The following SMYD5 variants were observed in gnomAD, a reference collection of about 807,000 sequenced individuals.
SMYD5 encodes SMYD family member 5.
In SMYD5, 35 loss-of-function variants were observed where a neutral mutation model predicts 57.4. The ratio of observed to expected loss-of-function variants is 0.61; its 90% CI spans 0.47 to 0.81. The LOEUF is 0.81. Among genes scored for constraint, SMYD5 ranks in the 30% least tolerant of loss-of-function variants. The pLI is 0.00. For synonymous variants in SMYD5, 198 were observed against 189.7 expected (o/e 1.04, Z -0.36); for missense variants, 471 against 527.9 (o/e 0.89, Z 1.06).
At chr2:73,222,189 G>T (rs762559124) in intron 6 of SMYD5, among the ~76,000 whole-genome samples, 2 of 152,228 alleles carry the variant, frequency 1.3e-5, no homozygotes, top group African/African-American at 4.8e-5. Context: ...TCCCTAACTG[G>T]TGTTAGAAGG....
chr2:73,218,722 A>G, intron 1 of SMYD5, 139 bp from the exon 2 acceptor site: 1 of 636,642 alleles, frequency 1.6e-6, no homozygotes, highest in Non-Finnish European at 2.8e-6. Flanking sequence ...GGTGCTAACC[A>G]CTCTCCATGA....
chr2:73,214,701 C>T (rs1211274895), intron 1 of SMYD5: 2 of 1,385,294 alleles, frequency 1.4e-6, no homozygotes, highest in African/African-American at 1.5e-5. Context: ...GCAGAGAGAA[C>T]TGAGGTGTAA....
intron 8 of SMYD5, 125 bp downstream of exon 8, chr2:73,223,231 C>A: frequency 1.1e-6 from 1 of 900,974 alleles, no homozygotes; most frequent in Non-Finnish European, 1.9e-6. Context: ...GAACTGGACA[C>A]AGTGGTGGGA....
chr2:73,221,513 G>A (rs1451225322), intron 5 of SMYD5, among the ~76,000 whole-genome samples: 2 of 150,650 alleles, frequency 1.3e-5, no homozygotes, highest in Non-Finnish European at 2.9e-5. Flanking sequence ...GCCTTGTGCA[G>A]TAGCAATTCA....
chr2:73,223,162 G>T (rs923881402), intron 8 of SMYD5, 56 bp downstream of exon 8: 6 of 1,415,808 alleles, frequency 4.2e-6, no homozygotes, highest in African/African-American at 1.4e-5. Context: ...ACTGAGGAAG[G>T]TAGCCACAGT....
chr2:73,218,855 T>G lies in SMYD5; in HGVS notation c.97-6T>G, dbSNP rs1007415837. On this transcript the variant is annotated splice_region_variant and splice_polypyrimidine_tract_variant and intron_variant, in intron 1 of 12. Coordinates refer to ENST00000389501, the MANE Select transcript of SMYD5 (RefSeq NM_006062.3). Reference sequence around the variant, plus strand: ...TTATGGCCATCCTATCCCTCTGCCCTCTCAGGGAAAGGGGCTGTTTGCCAC... The same window carrying G: ...TTATGGCCATCCTATCCCTCTGCCCGCTCAGGGAAAGGGGCTGTTTGCCAC... The G allele has an allele frequency of 6.2e-7, 1 of 1,608,804 alleles. No individual in the cohort carries two copies. The highest frequency in any genetic ancestry group is 1.3e-5 in the African/African-American group (1 of 74,818).
chr2:73,219,392 G>A (rs962856805), intron 2 of SMYD5, among the ~76,000 whole-genome samples: 1 of 151,978 alleles, frequency 6.6e-6, no homozygotes, highest in African/African-American at 2.4e-5. Context: ...TTGGGGTCTG[G>A]GGGAGGGGGA....
At chr2:73,222,700 G>T in intron 6 of SMYD5, 55 bp from the exon 7 acceptor site, 1 of 1,506,930 alleles carries the variant, frequency 6.6e-7, no homozygotes, top group Non-Finnish European at 9.1e-7. Context: ...CCCTGCCTGG[G>T]TGCTAATGGG....
intron 5 of SMYD5, 60 bp downstream of exon 5, chr2:73,221,294 A>G: frequency 7.3e-7 from 1 of 1,373,974 alleles, no homozygotes; most frequent in South Asian, 1.2e-5. Flanking sequence ...CCTTGGTCTC[A>G]GTCTTTTCCT....
chr2:73,220,042 C>T lies in SMYD5; in HGVS notation c.206-9C>T, dbSNP rs770882395. 1 of 1,614,184 alleles carries T rather than the reference C, an allele frequency of 6.2e-7. No individual in the cohort carries two copies. On this transcript the variant is annotated splice_polypyrimidine_tract_variant and intron_variant, in intron 2 of 12. Coordinates refer to ENST00000389501, the MANE Select transcript of SMYD5 (RefSeq NM_006062.3). ...TCAAGATATTGTTGTGTCTGGCTCT[C>T]ACCGTCAGCCTGTGACCACTGCCTT...
Position 73,220,654 on chromosome 2 carries a change from C to T in SMYD5, c.346-7C>T. ...CCTTGGGTACTGACCTCTATCCCAC[C>T]TAACAGGTGATGTACTGCAGTGCAG... On this transcript the variant is annotated splice_polypyrimidine_tract_variant and splice_region_variant and intron_variant, in intron 3 of 12. Coordinates refer to ENST00000389501, the MANE Select transcript of SMYD5 (RefSeq NM_006062.3). 1 of 1,613,954 alleles carries T rather than the reference C, an allele frequency of 6.2e-7. No homozygotes were observed. The highest frequency in any genetic ancestry group is 8.5e-7 in the Non-Finnish European group (1 of 1,179,988).
intron 1 of SMYD5, among the ~76,000 whole-genome samples, chr2:73,216,173 GC>G (rs1316253471): frequency 6.6e-6 from 1 of 152,206 alleles, no homozygotes. Context: ...TCCAGTGGAA[GC>G]CAGCTGGATT....
chr2:73,225,223 T>C, intron 11 of SMYD5: 3 of 493,076 alleles, frequency 6.1e-6, no homozygotes, highest in African/African-American at 1.9e-5. Context: ...TATCTTTTGG[T>C]CAAATGCAGA....
At chr2:73,224,827 T>C in intron 10 of SMYD5, 39 bp from the exon 11 acceptor site, 1 of 1,454,186 alleles carries the variant, frequency 6.9e-7, no homozygotes, top group South Asian at 1.2e-5. Flanking sequence ...ATTATTTTTT[T>C]TAGTCAATAA....
chr2:73,223,977 C>T lies in SMYD5; in HGVS notation c.914C>T (p.Ser305Phe). Residue 305 changes from serine (S) to phenylalanine (F), a missense_variant, in exon 10 of 13, where the codon TCT (serine) becomes TTT (phenylalanine). By Grantham distance (155) the Ser-to-Phe change is radical (BLOSUM62 -2). Transcript: ENST00000389501. Reference protein sequence around the residue: ...ATGEFLNCEGSGLFVLQSCCN... With the variant: ...ATGEFLNCEGFGLFVLQSCCN... ...GGAGAGTTTCTTAACTGTGAAGGAT[C>T]TGGCCTCTTTGTGCTTCAGAGCTGC... 1 of 1,614,150 alleles carries T rather than the reference C, an allele frequency of 6.2e-7. No individual in the cohort carries two copies. Among genetic ancestry groups the T allele is most frequent in the Non-Finnish European group, 8.5e-7 (1 of 1,179,982 alleles).
At chr2:73,220,523 TC>T in intron 3 of SMYD5, 137 bp from the exon 4 acceptor site, 1 of 1,023,164 alleles carries the variant, frequency 9.8e-7, no homozygotes, top group Admixed American at 2.5e-5. Context: ...CTTTCACATA[TC>T]CCCAGAGCAC....
chr2:73,227,131 C>T lies in SMYD5; in HGVS notation c.*1185C>T, dbSNP rs906605261. 6 of 152,792 alleles carry T rather than the reference C, an allele frequency of 3.9e-5. No homozygotes were observed. The highest frequency in any genetic ancestry group is 7.2e-5 in the African/African-American group (3 of 41,458). 9.5% of individuals were successfully genotyped at this position (152,792 alleles called of 1,614,324 possible). On this transcript the variant is annotated 3_prime_UTR_variant, in exon 13 of 13. Coordinates refer to ENST00000389501, the MANE Select transcript of SMYD5 (RefSeq NM_006062.3). ...GGAGCCAGGTGAAACCTGTCTGGCC[C>T]CTTACCCATTGGGTTCTTACTCCTT... is the stretch of plus-strand genomic sequence containing the variant.
rs779428369 is a variant in SMYD5, at chr2:73,218,976, A to T, written c.205+7A>T. On this transcript the variant is annotated splice_region_variant and intron_variant, in intron 2 of 12. Coordinates refer to ENST00000389501, the MANE Select transcript of SMYD5 (RefSeq NM_006062.3). ...GCACTTTATCGCTACCGAGGTGAGT[A>T]CATCTCTCCTACTCCTCATGGCCCA... is the stretch of plus-strand genomic sequence containing the variant. 1.3e-6 allele frequency: 2 copies of T among 1,589,378 alleles called. No homozygotes were observed. The highest frequency in any genetic ancestry group is 1.7e-6 in the Non-Finnish European group (2 of 1,157,226).
Position 73,221,077 on chromosome 2 carries a change from GT to G in SMYD5, c.468-84del. On this transcript the variant is annotated intron_variant, in intron 4 of 12. Coordinates refer to ENST00000389501, the MANE Select transcript of SMYD5 (RefSeq NM_006062.3). ...TGGTAATTGATGGAATTGGTAGGAAGTTTTCTCTGTACCAGTCAGACTCGGC... is the reference window on the plus strand; with the variant it reads ...TGGTAATTGATGGAATTGGTAGGAAGTTTCTCTGTACCAGTCAGACTCGGC... The G allele has an allele frequency of 3.3e-6, 4 of 1,221,182 alleles. No individual in the cohort carries two copies. In the South Asian group the frequency reaches 4.9e-5, roughly 15 times the overall value. The allele number at this position is 1,221,182 out of a possible 1,614,324, so 75.6% of individuals were successfully genotyped here. A position where few individuals can be genotyped will look rare whatever the true frequency, so the allele number is the denominator to read the frequency against.
Sources: allele counts gnomAD v4.1 joint callset (sites outside exome capture counted in the v4.1 genomes callset), GRCh38; gene constraint gnomAD v4.1.1; transcripts MANE v1.5; gene names NCBI Gene and HGNC (gene_info 2026-07-23, HGNC 2026-07-21).